Variants in TRMT1 observed in about 807,000 individuals in gnomAD.
TRMT1 encodes tRNA methyltransferase 1, also known as tRNA (guanine(26)-N(2))-dimethyltransferase.
TRMT1 carries 63 observed loss-of-function variants against 75.4 expected under a neutral mutation model. The observed-to-expected ratio is 0.84, with a 90% CI of 0.68 to 1.03. The LOEUF (loss-of-function observed/expected upper bound fraction) is 1.03. TRMT1 is among the 50% of genes least tolerant of loss of function. The probability of loss-of-function intolerance (pLI) is 0.00; values close to 1 mark genes in which losing one functional copy is unlikely to be tolerated. For synonymous variants in TRMT1, 382 were observed against 358.1 expected (o/e 1.07, Z -0.75); for missense variants, 870 against 905.3 (o/e 0.96, Z 0.50).
In TRMT1 at chr19:13,110,132, C is replaced by T. The variant is rs779189858; in HGVS notation, c.1019+26G>A. 8 of 1,611,152 alleles carry T rather than the reference C, an allele frequency of 5.0e-6. No homozygotes were observed. The East Asian group carries it at 1.3e-4, about 27-fold the overall frequency. ...AGGTCCTGTCTCCTCTCTCAATCCA[C>T]CACCGCTCTCTGCCCCCGGGCTGAC... On this transcript the variant is annotated intron_variant, in intron 8 of 16. Coordinates refer to ENST00000357720, the MANE Select transcript of TRMT1 (RefSeq NM_001136035.4).
intron 1 of TRMT1, 100 bp from the exon 2 acceptor site, chr19:13,116,531 T>C (rs1405608527): frequency 1.8e-5 from 23 of 1,289,692 alleles, no homozygotes; most frequent in African/African-American, 7.5e-5. Context: ...TAGGAAAACC[T>C]GCGGCCTCGG....
chr19:13,112,856 C>A, intron 6 of TRMT1, 39 bp from the exon 7 acceptor site: 1 of 1,613,400 alleles, frequency 6.2e-7, no homozygotes, highest in Non-Finnish European at 8.5e-7. Flanking sequence ...CCTCCAACAC[C>A]CCAAGCCCTG....
chr19:13,109,349 G>C, intron 12 of TRMT1, 32 bp downstream of exon 12: 1 of 1,611,308 alleles, frequency 6.2e-7, no homozygotes, highest in Non-Finnish European at 8.5e-7. Context: ...TGTGGTCTGG[G>C]ACAGGCTCCT....
chr19:13,110,821 G>T (rs1301211194), intron 7 of TRMT1, among the ~76,000 whole-genome samples: 1 of 152,094 alleles, frequency 6.6e-6, no homozygotes, highest in Non-Finnish European at 1.5e-5. Context: ...GTGGTGGCGG[G>T]CGCCTGTAAT....
Position 13,105,361 on chromosome 19 carries a change from C to T in TRMT1, c.1739G>A (p.Arg580His), listed in dbSNP as rs918376887. The change falls in exon 16 of 17, where the codon CGC becomes CAC. Residue 580 changes from arginine (R) to histidine (H), a missense_variant. Coordinates refer to ENST00000357720, the MANE Select transcript of TRMT1 (RefSeq NM_001136035.4). ...KAADEAMEER[R>H]RLLQNKRKEP... ...CTTCCGCTTGTTCTGAAGCAGCCTGCGTCTCTCCTCCATAGCTTCGTCGGC... is the reference window on the plus strand; with the variant it reads ...CTTCCGCTTGTTCTGAAGCAGCCTGTGTCTCTCCTCCATAGCTTCGTCGGC... The T allele has an allele frequency of 3.1e-6, 5 of 1,613,842 alleles. No homozygotes were observed. The highest frequency in any genetic ancestry group is 2.2e-5 in the East Asian group (1 of 44,884).
In TRMT1 at chr19:13,107,623, G is replaced by A. The variant is rs751298016; in HGVS notation, c.1534C>T (p.Arg512Ter). The A allele has an allele frequency of 2.5e-6, 4 of 1,608,460 alleles. No homozygotes were observed. The highest frequency in any genetic ancestry group is 2.2e-5 in the East Asian group (1 of 44,760). Residue 512 changes from arginine (R) to a stop codon, truncating the protein, a stop_gained, in exon 14 of 17, where the codon CGA becomes TGA. Coordinates refer to ENST00000357720, the MANE Select transcript of TRMT1 (RefSeq NM_001136035.4). LOFTEE classifies it high-confidence loss of function. ...WEKECPVKRE[R>*]LSETSPAFRI... ...AACGCTGGGCTAGTCTCTGATAGTC[G>A]CTCCCGTTTCACCGGACATTCCTTC...
In TRMT1 at chr19:13,105,318, C is replaced by T; in HGVS notation, c.1782G>A (p.Val594=). ...TCTTGAGCCGGGCAGCCCGCTGGGCCACATCTTCCGGCGGCTCCTTCCGCT... is the reference window on the plus strand; with the variant it reads ...TCTTGAGCCGGGCAGCCCGCTGGGCTACATCTTCCGGCGGCTCCTTCCGCT... ...QNKRKEPPED[V]AQRAARLKTF... The change falls in exon 16 of 17, where the codon GTG becomes GTA. Residue 594 remains valine (V), a synonymous_variant. Coordinates refer to ENST00000357720, the MANE Select transcript of TRMT1 (RefSeq NM_001136035.4). 6.2e-7 allele frequency: 1 copy of T among 1,614,072 alleles called. No homozygotes were observed. Among genetic ancestry groups the T allele is most frequent in the Non-Finnish European group, 8.5e-7 (1 of 1,180,022 alleles).
chr19:13,113,890 G>A (rs1408906043), intron 5 of TRMT1, among the ~76,000 whole-genome samples: 2 of 152,074 alleles, frequency 1.3e-5, no homozygotes, highest in Non-Finnish European at 2.9e-5. Context: ...GATTACAGGG[G>A]TGAGCCACTG....
chr19:13,105,108 C>T (rs770201054), intron 16 of TRMT1, 27 bp from the exon 17 acceptor site: 8 of 1,561,414 alleles, frequency 5.1e-6, no homozygotes, highest in South Asian at 1.2e-5. Flanking sequence ...GGGTGTGAAC[C>T]CCTGCCCGGA....
In TRMT1 at chr19:13,115,247, C is replaced by T. The variant is rs1424536905; in HGVS notation, c.641+32G>A. The T allele has an allele frequency of 5.1e-6, 8 of 1,579,164 alleles. No individual in the cohort carries two copies. In the South Asian group the frequency reaches 9.3e-5, roughly 18 times the overall value. On this transcript the variant is annotated intron_variant, in intron 5 of 16. Coordinates refer to ENST00000357720, the MANE Select transcript of TRMT1 (RefSeq NM_001136035.4). The stretch of plus-strand genomic sequence containing the variant: ...AGAATTTGACCCCAGGCAGGCTTGT[C>T]CCAGAGCTAGGCTGTGATGCCCAGA...
At chr19:13,111,452 CG>C (rs2019137560) in intron 7 of TRMT1, among the ~76,000 whole-genome samples, 1 of 148,128 alleles carries the variant, frequency 6.8e-6, no homozygotes, top group Non-Finnish European at 1.5e-5. Context: ...GGTGCCATCT[CG>C]GCTCACCGCA....
chr19:13,115,296 C>T lies in TRMT1; in HGVS notation c.624G>A (p.Pro208=), dbSNP rs756334355. The change falls in exon 5 of 17, where the codon CCG becomes CCA. Residue 208 remains proline, a synonymous_variant. Coordinates refer to ENST00000357720, the MANE Select transcript of TRMT1 (RefSeq NM_001136035.4). ...GAACCTACCGGGCATCTGCTTGGCT[C>T]GGCTGTACCAGGTGGGCCACGTCAT... ...QLNDVAHLVQ[P]SQADARMLMY... 13 of 1,612,484 alleles carry T rather than the reference C, an allele frequency of 8.1e-6. No individual in the cohort carries two copies. In the Admixed American group the frequency reaches 8.4e-5, roughly 10 times the overall value.
chr19:13,105,189 C>T (rs2018797786), intron 16 of TRMT1, 78 bp downstream of exon 16: 1 of 1,560,856 alleles, frequency 6.4e-7, no homozygotes, highest in African/African-American at 1.4e-5. Flanking sequence ...CTGGCCCCAG[C>T]TCCCCCAATT....
rs941159343 is a variant in TRMT1, at chr19:13,111,753, G to A, written c.870+952C>T. Among the ~76,000 whole-genome samples, 9 of 148,910 alleles carry A rather than the reference G, an allele frequency of 6.0e-5. No individual in the cohort carries two copies. The Admixed American group carries it at 6.1e-4, about 10-fold the overall frequency. On this transcript the variant is annotated intron_variant, in intron 7 of 16. Coordinates refer to ENST00000357720, the MANE Select transcript of TRMT1 (RefSeq NM_001136035.4). ...CTTGCTCTGTCGCCCAGGCTGGAGT[G>A]CAGTGGCACAGTCTCAGCTCACTGC...
rs1438804473 is a variant in TRMT1, at chr19:13,105,278, T to A, written c.1822A>T (p.Arg608Trp). Residue 608 changes from arginine (R) to tryptophan (W), a missense_variant, in exon 16 of 17, where the codon AGG becomes TGG. Transcript: ENST00000357720. ...AARLKTFPCK[R>W]FKEGTCQRGD... ...AGGAGGGACCTCACCTCCTTAAACC[T>A]CTTGCAAGGAAATGTCTTGAGCCGG... 1 of 1,613,654 alleles carries A rather than the reference T, an allele frequency of 6.2e-7. No individual in the cohort carries two copies. The highest frequency in any genetic ancestry group is 1.1e-5 in the South Asian group (1 of 90,994).
At chr19:13,106,282 C>T (rs2018864769) in intron 14 of TRMT1, among the ~76,000 whole-genome samples, 5 of 85,286 alleles carry the variant, frequency 5.9e-5, no homozygotes, top group Admixed American at 4.2e-4. Context: ...ACTGTGTTGC[C>T]CAGGCTGGTT....
rs770329038 is a variant in TRMT1 at position 13,109,381 on chromosome 19, C to A, written c.1397G>T (p.Arg466Leu). 7 of 1,612,416 alleles carry A rather than the reference C, an allele frequency of 4.3e-6. No homozygotes were observed. In the East Asian group the frequency reaches 8.9e-5, roughly 21 times the overall value. ...TCCTCCCGACCCCAGGGGCTCTTAC[C>A]GCAACTGCAGGAGGCTTGGTGTGTT... ...HCNTPSLLQL[R>L]SALLHADFRV... The change falls in exon 12 of 17, where the codon CGG becomes CTG. Residue 466 changes from arginine to leucine, a missense_variant and splice_region_variant. Arg to Leu is a moderately radical substitution (Grantham distance 102, BLOSUM62 -2). Transcript: ENST00000357720.
At chr19:13,113,630 G>A (rs1419396716) in intron 5 of TRMT1, among the ~76,000 whole-genome samples, 1 of 151,480 alleles carries the variant, frequency 6.6e-6, no homozygotes, top group Non-Finnish European at 1.5e-5. Context: ...TTTCTTTGGA[G>A]ACAGAGTCTC....
intron 5 of TRMT1, 106 bp downstream of exon 5, chr19:13,115,173 G>A (rs2019289368): frequency 5.5e-6 from 7 of 1,266,436 alleles, no homozygotes; most frequent in Non-Finnish European, 7.5e-6. Flanking sequence ...GGGGCTCAAA[G>A]AGGCTAAGTC....
Sources: gnomAD v4.1 joint callset for allele counts (sites outside exome capture counted in the v4.1 genomes callset) on GRCh38, gnomAD v4.1.1 for gene constraint, MANE v1.5 for transcripts, NCBI Gene and HGNC (gene_info 2026-07-23, HGNC 2026-07-21) for gene names.